Variants in DTX4 observed in about 807,000 individuals in gnomAD.
DTX4 encodes E3 ubiquitin-protein ligase DTX4.
Under a neutral mutation model 57.6 loss-of-function variants are expected in DTX4, and 28 were observed. The ratio of observed to expected loss-of-function variants is 0.49; its 90% CI spans 0.36 to 0.67. DTX4 has a LOEUF of 0.67. DTX4 is among the 30% of genes least tolerant of loss of function. The probability of loss-of-function intolerance (pLI) is 0.00; values close to 1 mark genes in which losing one functional copy is unlikely to be tolerated. For synonymous variants in DTX4, 316 were observed against 331.0 expected, an observed-to-expected ratio of 0.95 and a Z score of 0.49; for missense variants, 715 against 836.8, an observed-to-expected ratio of 0.85 and a Z score of 1.80.
At chr11:59,174,601 A>G (rs937871880) in intron 1 of DTX4, among the ~76,000 whole-genome samples, 6 of 151,588 alleles carry the variant, frequency 4.0e-5, no homozygotes, top group Admixed American at 1.3e-4. Flanking sequence ...CCCCTTTCCC[A>G]CATTTGGAAA....
rs192587521 is a variant in DTX4 at position 59,205,015 on chromosome 11, T to C, written c.*106T>C. ...TTGGTGTCCTGCCCTCCCAACTTTC[T>C]ATCCTCCCCTCCTGCCCTGTGTCCA... On this transcript the variant is annotated 3_prime_UTR_variant, in exon 9 of 9. Transcript: ENST00000227451. The C allele has an allele frequency of 1.0e-6, 1 of 964,786 alleles. No homozygotes were observed. Among genetic ancestry groups the C allele is most frequent in the African/African-American group, 1.6e-5 (1 of 62,016 alleles). 59.8% of individuals were successfully genotyped at this position (964,786 alleles called of 1,614,324 possible).
At position 59,186,186 on chromosome 11, in the gene DTX4, T is replaced by C. The variant is rs372880876; in HGVS notation, c.936-2549T>C. ...GTATCTCTCCCACCTGTTGAACCCA[T>C]AGTCTTCTTGTGTGTCCCAGGTCCA... On this transcript the variant is annotated intron_variant, in intron 2 of 8. Coordinates refer to ENST00000227451, the MANE Select transcript of DTX4 (RefSeq NM_015177.2). 1.2e-3 allele frequency among the ~76,000 whole-genome samples: 183 copies of C among 152,238 alleles called. 2 individuals carry two copies. The South Asian group carries it at 0.032, about 26-fold the overall frequency.
chr11:59,188,562 C>T (rs1315134498), intron 2 of DTX4, among the ~76,000 whole-genome samples, 173 bp from the exon 3 acceptor site: 1 of 152,208 alleles, frequency 6.6e-6, no homozygotes, highest in Non-Finnish European at 1.5e-5. Context: ...AACTGAGGAA[C>T]ATAGTTCTGA....
chr11:59,188,228 T>G (rs73476971), intron 2 of DTX4, among the ~76,000 whole-genome samples: 2 of 152,132 alleles, frequency 1.3e-5, no homozygotes, highest in Non-Finnish European at 2.9e-5. Flanking sequence ...TAAAGGATCC[T>G]AAGTAGAGCA....
chr11:59,189,653 T>G (rs1862571836), intron 4 of DTX4, among the ~76,000 whole-genome samples: 1 of 152,226 alleles, frequency 6.6e-6, no homozygotes, highest in Non-Finnish European at 1.5e-5. Context: ...GTACCTTTGT[T>G]TCTTGCAAGT....
At position 59,182,137 on chromosome 11, in the gene DTX4, G is replaced by A. The variant is rs199568679; in HGVS notation, c.610G>A (p.Val204Met). ...CTTGGTGATGAGTGTTAAGGCAGCC[G>A]TGGTCAATGGCAGCACTGGGCCCCT... ...CVLVMSVKAAVVNGSTGPLQL... is the reference protein window; with the variant it reads ...CVLVMSVKAAMVNGSTGPLQL... The change falls in exon 2 of 9, where the codon GTG becomes ATG. Residue 204 changes from valine to methionine, a missense_variant. By Grantham distance (21) the Val-to-Met change is conservative. Transcript: ENST00000227451. 546 of 1,613,438 alleles carry A rather than the reference G, an allele frequency of 3.4e-4. No homozygotes were observed. The African/African-American group carries it at 3.9e-3, about 12-fold the overall frequency.
Position 59,172,196 on chromosome 11 carries a change from T to C in DTX4, c.-400T>C, listed in dbSNP as rs1021517949. ...TCTGCAGAGGCCGAGGCGCAACTGG[T>C]GCGAGGGCTGGGTCCTTGCCTCGCC... On this transcript the variant is annotated 5_prime_UTR_variant, in exon 1 of 9. Coordinates refer to ENST00000227451, the MANE Select transcript of DTX4 (RefSeq NM_015177.2). 1.3e-5 allele frequency among the ~76,000 whole-genome samples: 2 copies of C among 151,968 alleles called. No homozygotes were observed. The highest frequency in any genetic ancestry group is 6.5e-5 in the Admixed American group (1 of 15,282).
intron 6 of DTX4, among the ~76,000 whole-genome samples, chr11:59,194,406 A>G (rs2135522988): frequency 1.3e-5 from 2 of 152,172 alleles, no homozygotes; most frequent in Middle Eastern, 6.8e-3. Context: ...TTCAAGGACC[A>G]TTTTCTTAAA....
At chr11:59,201,107 A>T (rs1168410839) in intron 8 of DTX4, among the ~76,000 whole-genome samples, 2 of 152,190 alleles carry the variant, frequency 1.3e-5, no homozygotes, top group Non-Finnish European at 2.9e-5. Flanking sequence ...ACTTGTTCAT[A>T]TGAACCCATC....
chr11:59,183,774 G>A (rs1003900614), intron 2 of DTX4, among the ~76,000 whole-genome samples: 1 of 152,216 alleles, frequency 6.6e-6, no homozygotes, highest in African/African-American at 2.4e-5. Flanking sequence ...TCCTACCTCT[G>A]TCACTGGGGT....
In DTX4 at chr11:59,206,846, C is replaced by A. The variant is rs553078959; in HGVS notation, c.*1937C>A. The A allele has an allele frequency of 6.5e-6, 1 of 152,772 alleles. No individual in the cohort carries two copies. The highest frequency in any genetic ancestry group is 6.5e-5 in the Admixed American group (1 of 15,296). The allele number at this position is 152,772 out of a possible 1,614,324, so 9.5% of individuals were successfully genotyped here. ...AGCTCTGATGGGAGGAATTGCTCTG[C>A]CATCCTTGTCCCTGTGTCTCCTGTC... On this transcript the variant is annotated 3_prime_UTR_variant, in exon 9 of 9. Coordinates refer to ENST00000227451, the MANE Select transcript of DTX4 (RefSeq NM_015177.2).
upstream of DTX4, among the ~76,000 whole-genome samples, chr11:59,171,784 T>C (rs1862326509): frequency 6.6e-6 from 1 of 151,408 alleles, no homozygotes; most frequent in Non-Finnish European, 1.5e-5. Context: ...CCCGAGACAA[T>C]GCGTGTCTCC....
At position 59,195,647 on chromosome 11, in the gene DTX4, C is replaced by T. The variant is rs368749995; in HGVS notation, c.1536+278C>T. On this transcript the variant is annotated intron_variant, in intron 7 of 8. Transcript: ENST00000227451. ...TGACATTTAGGCACATTGTTTGGCA[C>T]CCTGCGCTTTTCAGTTAACAATGTA... Among the ~76,000 whole-genome samples, 176 of 152,158 alleles carry T rather than the reference C, an allele frequency of 1.2e-3. 2 individuals are homozygous for T. The South Asian group carries it at 0.03, about 26-fold the overall frequency.
At chr11:59,193,719 G>A (rs913317074) in intron 6 of DTX4, among the ~76,000 whole-genome samples, 1 of 152,098 alleles carries the variant, frequency 6.6e-6, no homozygotes, top group Non-Finnish European at 1.5e-5. Context: ...GAGAGAAAAG[G>A]GCCCAAGAAG....
In DTX4 at chr11:59,204,861, G is replaced by C. The variant is rs1056127477; in HGVS notation, c.1812G>C (p.Leu604=). The C allele has an allele frequency of 1.2e-5, 20 of 1,600,316 alleles. No individual in the cohort carries two copies. The highest frequency in any genetic ancestry group is 1.7e-5 in the Admixed American group (1 of 57,994). ...ANYLDNVLAE[L]AAQGISEDST... ...ACCTGGATAATGTGCTGGCTGAACTGGCTGCCCAGGGCATCTCTGAGGACA... is the reference window on the plus strand; with the variant it reads ...ACCTGGATAATGTGCTGGCTGAACTCGCTGCCCAGGGCATCTCTGAGGACA... Residue 604 remains leucine (L), a synonymous_variant, in exon 9 of 9, where the codon CTG becomes CTC. Transcript: ENST00000227451.
chr11:59,205,143 G>A lies in DTX4; in HGVS notation c.*234G>A. The A allele has an allele frequency of 2.0e-6, 1 of 497,562 alleles. No homozygotes were observed. The highest frequency in any genetic ancestry group is 3.7e-6 in the Non-Finnish European group (1 of 272,990). 30.8% of individuals were successfully genotyped at this position (497,562 alleles called of 1,614,324 possible). ...GGAGATGGGATGAGGGCCATCCTGG[G>A]TCTGTTCCCATGGAGTTTTTGGTGC... On this transcript the variant is annotated 3_prime_UTR_variant, in exon 9 of 9. Coordinates refer to ENST00000227451, the MANE Select transcript of DTX4 (RefSeq NM_015177.2).
intron 7 of DTX4, among the ~76,000 whole-genome samples, chr11:59,196,859 GTAAT>G (rs1862678532): frequency 6.6e-6 from 1 of 152,086 alleles, no homozygotes; most frequent in African/African-American, 2.4e-5. Flanking sequence ...GGTGAGTTGT[GTAAT>G]TATTTTGTTA....
chr11:59,195,126 C>T (rs1862645730), intron 6 of DTX4, 82 bp from the exon 7 acceptor site: 1 of 1,484,608 alleles, frequency 6.7e-7, no homozygotes. Flanking sequence ...GGCCCTTCAT[C>T]TCTGGTACCT....
Position 59,182,237 on chromosome 11 carries a change from C to T in DTX4, c.710C>T (p.Ala237Val). Residue 237 changes from alanine (A) to valine (V), a missense_variant, in exon 2 of 9, where the codon GCC (alanine) becomes GTC (valine). Physicochemically the swap from Ala to Val is moderately conservative, Grantham distance 64. Transcript: ENST00000227451. ...VKLPPLPGSG[A>V]KPLDSTGTIR... ...CTACCCCCACTGCCAGGCTCTGGGGCCAAGCCACTGGACAGCACAGGCACC... is the reference window on the plus strand; with the variant it reads ...CTACCCCCACTGCCAGGCTCTGGGGTCAAGCCACTGGACAGCACAGGCACC... 6.2e-7 allele frequency: 1 copy of T among 1,610,036 alleles called. No individual in the cohort carries two copies. The highest frequency in any genetic ancestry group is 1.1e-5 in the South Asian group (1 of 90,896).
Sources: allele counts gnomAD v4.1 joint callset (sites outside exome capture counted in the v4.1 genomes callset), GRCh38; gene constraint gnomAD v4.1.1; transcripts MANE v1.5; gene names NCBI Gene and HGNC (gene_info 2026-07-23, HGNC 2026-07-21).